EXOC6: variants seen among roughly 807,000 people sequenced by gnomAD.
EXOC6 encodes SEC15-like 1.
Under a neutral mutation model 112.5 loss-of-function variants are expected in EXOC6, and 60 were observed. The ratio of observed to expected loss-of-function variants is 0.53; its 90% confidence interval spans 0.43 to 0.66. EXOC6 has a LOEUF of 0.66. EXOC6 is among the 30% of genes least tolerant of loss of function. The probability of loss-of-function intolerance (pLI) is 0.00; values close to 1 mark genes in which losing one functional copy is unlikely to be tolerated. For synonymous variants in EXOC6, 295 were observed against 308.0 expected (o/e 0.96, Z 0.44); for missense variants, 855 against 957.1 (o/e 0.89, Z 1.41).
rs777967073 is a variant in EXOC6, at chr10:92,954,641, T to G, written c.1538T>G (p.Ile513Arg). The G allele has an allele frequency of 1.3e-6, 2 of 1,583,712 alleles. No homozygotes were observed. The highest frequency in any genetic ancestry group is 1.7e-6 in the Non-Finnish European group (2 of 1,156,018). ...SESLHRSSTEIDDMLRKSTNL... is the reference protein window; with the variant it reads ...SESLHRSSTERDDMLRKSTNL... Reference sequence around the variant, plus strand: ...ATCTTTGTTTTTAGCTCAACAGAAATAGACGATATGCTTAGAAAATCAACA... The same window carrying G: ...ATCTTTGTTTTTAGCTCAACAGAAAGAGACGATATGCTTAGAAAATCAACA... The change falls in exon 16 of 22, where the codon ATA becomes AGA. Residue 513 changes from isoleucine (I) to arginine (R), a missense_variant. Ile to Arg is a moderately conservative substitution (Grantham distance 97, BLOSUM62 -3). Coordinates refer to ENST00000260762, the MANE Select transcript of EXOC6 (RefSeq NM_019053.6).
chr10:92,841,768 C>T (rs1846860416), intron 1 of EXOC6, among the ~76,000 whole-genome samples: 1 of 152,050 alleles, frequency 6.6e-6, no homozygotes, highest in Admixed American at 6.5e-5. Flanking sequence ...GGTTTTGGAA[C>T]CAGAAGGATA....
chr10:92,916,572 C>G (rs961128601), intron 7 of EXOC6, among the ~76,000 whole-genome samples: 6 of 152,136 alleles, frequency 3.9e-5, no homozygotes, highest in Non-Finnish European at 8.8e-5. Context: ...AAGGGCCTAA[C>G]CATAACTCCA....
intron 6 of EXOC6, among the ~76,000 whole-genome samples, chr10:92,915,069 G>A (rs1210214376): frequency 6.6e-6 from 1 of 152,158 alleles, no homozygotes; most frequent in South Asian, 2.1e-4. Flanking sequence ...CAAACTGTGG[G>A]CATTTTCAGT....
intron 20 of EXOC6, among the ~76,000 whole-genome samples, chr10:93,016,939 A>C (rs1844550866): frequency 6.6e-6 from 1 of 151,886 alleles, no homozygotes; most frequent in South Asian, 2.1e-4. Context: ...CAGCCTCCCA[A>C]GTAGCTGGGA....
chr10:92,860,425 A>G (rs756078489), intron 1 of EXOC6, among the ~76,000 whole-genome samples: 3 of 151,890 alleles, frequency 2.0e-5, no homozygotes, highest in Non-Finnish European at 4.4e-5. Flanking sequence ...CACCATGCCC[A>G]CCTAATTTTT....
intron 8 of EXOC6, among the ~76,000 whole-genome samples, chr10:92,926,654 C>T (rs924093232): frequency 3.3e-5 from 5 of 152,068 alleles, no homozygotes; most frequent in African/African-American, 9.7e-5. Context: ...TTGTCTCAGC[C>T]GCTTGAGTAG....
chr10:92,923,240 C>T (rs1161021748), intron 8 of EXOC6, among the ~76,000 whole-genome samples: 1 of 152,272 alleles, frequency 6.6e-6, no homozygotes, highest in Non-Finnish European at 1.5e-5. Context: ...TTGGCTTCCT[C>T]TTGTTCCTTT....
intron 18 of EXOC6, among the ~76,000 whole-genome samples, chr10:92,984,737 A>G (rs1842940274): frequency 6.6e-6 from 1 of 152,016 alleles, no homozygotes; most frequent in African/African-American, 2.4e-5. Context: ...GTGTACTTTC[A>G]TTGCATTTCT....
At chr10:92,938,129 G>A (rs1302190937) in intron 12 of EXOC6, among the ~76,000 whole-genome samples, 1 of 152,080 alleles carries the variant, frequency 6.6e-6, no homozygotes, top group African/African-American at 2.4e-5. Context: ...TGAATCTACA[G>A]TATTTGATAT....
intron 7 of EXOC6, among the ~76,000 whole-genome samples, chr10:92,917,443 A>G (rs943181491): frequency 4.6e-5 from 7 of 150,960 alleles, no homozygotes; most frequent in Admixed American, 3.3e-4. Context: ...AAAAAGTTCT[A>G]GTAAGTCTAG....
chr10:92,921,150 T>G (rs1257738386), intron 8 of EXOC6, among the ~76,000 whole-genome samples: 1 of 152,228 alleles, frequency 6.6e-6, no homozygotes, highest in East Asian at 1.9e-4. Context: ...TTAACATGTC[T>G]TATATCTTTT....
At chr10:93,026,026 T>G (rs1342915381) in intron 20 of EXOC6, among the ~76,000 whole-genome samples, 1 of 152,248 alleles carries the variant, frequency 6.6e-6, no homozygotes, top group Non-Finnish European at 1.5e-5. Context: ...TGCTTTCTTT[T>G]GCTCATTGTC....
chr10:92,962,604 G>T (rs537628029), intron 17 of EXOC6, among the ~76,000 whole-genome samples: 33 of 152,002 alleles, frequency 2.2e-4, no homozygotes, highest in Admixed American at 7.2e-4. Flanking sequence ...TATTGCCCAG[G>T]CTGGTCTCGA....
intron 1 of EXOC6, among the ~76,000 whole-genome samples, chr10:92,854,618 C>G (rs1391500141): frequency 6.6e-6 from 1 of 152,124 alleles, no homozygotes; most frequent in Admixed American, 6.5e-5. Context: ...TTGAGGTGAT[C>G]ATGTGGTTTT....
intron 7 of EXOC6, 178 bp downstream of exon 7, chr10:92,916,091 G>A (rs369497187): frequency 1.1e-5 from 5 of 454,476 alleles, no homozygotes; most frequent in East Asian, 4.5e-5. Context: ...TGAGAAGGCC[G>A]TGAAGGGAGG....
chr10:92,998,345 C>A lies in EXOC6; in HGVS notation c.2095+730C>A, dbSNP rs1843589254. Among the ~76,000 whole-genome samples the A allele has an allele frequency of 8.5e-5, 13 of 152,224 alleles. No individual in the cohort carries two copies. In the South Asian group the frequency reaches 2.5e-3, roughly 29 times the overall value. On this transcript the variant is annotated intron_variant, in intron 19 of 21. Transcript: ENST00000260762. ...CAATGAAAATCCCTGGTTGACAATT[C>A]TATCAGGCACCACAGTTGATAAATT...
intron 20 of EXOC6, among the ~76,000 whole-genome samples, chr10:93,036,403 C>A (rs1378022926): frequency 6.6e-6 from 1 of 152,044 alleles, no homozygotes; most frequent in Non-Finnish European, 1.5e-5. Context: ...ATTTTTCATG[C>A]AACATATGCT....
In EXOC6 at chr10:93,057,996, C is replaced by T. The variant is rs566468300; in HGVS notation, c.2283-227C>T. Among the ~76,000 whole-genome samples the T allele has an allele frequency of 2.0e-5, 3 of 152,222 alleles. No individual in the cohort carries two copies. The East Asian group carries it at 5.8e-4, about 29-fold the overall frequency. ...GTAAACCTAGCATATTTTAGATGTA[C>T]ATACTAATGCAAAAATACCACTTAA... On this transcript the variant is annotated intron_variant, in intron 21 of 21. Coordinates refer to ENST00000260762, the MANE Select transcript of EXOC6 (RefSeq NM_019053.6).
At chr10:92,933,214 T>C (rs1852149659) in intron 9 of EXOC6, among the ~76,000 whole-genome samples, 2 of 152,050 alleles carry the variant, frequency 1.3e-5, no homozygotes, top group Non-Finnish European at 2.9e-5. Flanking sequence ...CAAGGAGAAA[T>C]AGAAAAATCC....
Sources: gnomAD v4.1 joint callset for allele counts (sites outside exome capture counted in the v4.1 genomes callset) on GRCh38, gnomAD v4.1.1 for gene constraint, MANE v1.5 for transcripts, NCBI Gene and HGNC (gene_info 2026-07-23, HGNC 2026-07-21) for gene names.